Variants in EXT2 observed in about 807,000 individuals in gnomAD.
The protein encoded by EXT2 is exostosin-2.
A neutral mutation model predicts 81.6 loss-of-function variants in EXT2; 53 were observed. The observed-to-expected ratio is 0.65, with a 90% CI of 0.52 to 0.82. The LOEUF (loss-of-function observed/expected upper bound fraction) is 0.82, where lower values mean the gene tolerates loss of function less well. Ranked by LOEUF, EXT2 falls within the 40% of genes least tolerant of loss-of-function variation. The pLI is 0.00. For synonymous variants in EXT2, 320 were observed against 340.0 expected (o/e 0.94, Z 0.65); for missense variants, 774 against 910.2 (o/e 0.85, Z 1.93).
At chr11:44,222,666 T>A (rs146045423) in intron 10 of EXT2, among the ~76,000 whole-genome samples, 1 of 151,226 alleles carries the variant, frequency 6.6e-6, no homozygotes, top group Admixed American at 6.6e-5. Context: ...ATGTAAAACA[T>A]GAAACCATAA....
intron 10 of EXT2, among the ~76,000 whole-genome samples, chr11:44,208,129 T>C (rs536437425): frequency 2.6e-5 from 4 of 152,328 alleles, no homozygotes; most frequent in Non-Finnish European, 4.4e-5. Context: ...ATATTTAGTA[T>C]ACTATTATTC....
intron 10 of EXT2, among the ~76,000 whole-genome samples, chr11:44,211,079 C>T (rs1329309208): frequency 2.0e-5 from 3 of 152,124 alleles, no homozygotes; most frequent in African/African-American, 7.2e-5. Context: ...GTAATCAAGA[C>T]GTGGTGGTAT....
At chr11:44,125,760 G>A (rs1954392902) in intron 5 of EXT2, among the ~76,000 whole-genome samples, 1 of 151,924 alleles carries the variant, frequency 6.6e-6, no homozygotes, top group Admixed American at 6.6e-5. Flanking sequence ...CACTCCTCCT[G>A]GAATGTCTGG....
chr11:44,148,984 T>C (rs1488600629), intron 7 of EXT2, among the ~76,000 whole-genome samples: 1 of 152,224 alleles, frequency 6.6e-6, no homozygotes, highest in East Asian at 1.9e-4. Context: ...TCTAGGTTGC[T>C]TGTCCTGCCT....
At chr11:44,201,192 C>T (rs1955518171) in intron 9 of EXT2, among the ~76,000 whole-genome samples, 1 of 152,104 alleles carries the variant, frequency 6.6e-6, no homozygotes, top group Admixed American at 6.5e-5. Context: ...GAAGAAAGAC[C>T]CCATTTAGGC....
chr11:44,144,532 G>A (rs990298557), intron 7 of EXT2, among the ~76,000 whole-genome samples: 1 of 152,202 alleles, frequency 6.6e-6, no homozygotes, highest in Non-Finnish European at 1.5e-5. Context: ...CACCTCAAAG[G>A]CTCCCAGTCA....
chr11:44,109,315 T>C (rs767847807), intron 3 of EXT2, 32 bp downstream of exon 3: 1 of 1,543,022 alleles, frequency 6.5e-7, no homozygotes. Context: ...GTCCTTATGA[T>C]GGGTTCAAGA....
At chr11:44,164,876 C>CTTTTT (rs372890914) in intron 7 of EXT2, among the ~76,000 whole-genome samples, 2 of 137,540 alleles carry the variant, frequency 1.5e-5, no homozygotes, top group African/African-American at 2.7e-5. Flanking sequence ...CTCATTCACA[C>CTTTTT]TTTTTTTTTT....
intron 8 of EXT2, among the ~76,000 whole-genome samples, chr11:44,180,828 G>A (rs113957720): frequency 3.3e-5 from 5 of 152,232 alleles, no homozygotes; most frequent in South Asian, 2.1e-4. Context: ...CTGGCTGGGC[G>A]CGGTGGCTCA....
intron 8 of EXT2, 80 bp downstream of exon 8, chr11:44,171,822 T>G (rs1590619180): frequency 1.3e-6 from 2 of 1,582,542 alleles, no homozygotes; most frequent in East Asian, 4.5e-5. Context: ...ACTACAATTG[T>G]AAAGGTTATT....
intron 1 of EXT2, among the ~76,000 whole-genome samples, chr11:44,100,025 G>A (rs755448267): frequency 3.9e-5 from 6 of 152,178 alleles, no homozygotes; most frequent in Admixed American, 6.5e-5. Flanking sequence ...TGCGGGGTGG[G>A]CTTTGGTTGT....
chr11:44,224,393 A>G (rs189567129), intron 10 of EXT2, among the ~76,000 whole-genome samples: 5 of 152,174 alleles, frequency 3.3e-5, no homozygotes, highest in Middle Eastern at 3.4e-3. Flanking sequence ...GTGTACATAT[A>G]TTAGATATAT....
rs753542290 is a variant in EXT2 at position 44,171,687 on chromosome 11, G to A, written c.1250G>A (p.Arg417Gln). ...ALATLQIINDRIYPYAAISYE... is the reference protein window; with the variant it reads ...ALATLQIINDQIYPYAAISYE... ...GCCACCCTGCAGATTATCAATGACC[G>A]GATCTATCCATATGCTGCCATCTCC... The change falls in exon 8 of 14, where the codon CGG becomes CAG. Residue 417 changes from arginine to glutamine, a missense_variant. Physicochemically the swap from Arg to Gln is conservative, Grantham distance 43. Coordinates refer to ENST00000533608, the MANE Select transcript of EXT2 (RefSeq NM_207122.2). The A allele has an allele frequency of 2.0e-5, 33 of 1,613,942 alleles. No homozygotes were observed. Among genetic ancestry groups the A allele is most frequent in the Middle Eastern group, 3.3e-4 (2 of 6,084 alleles).
chr11:44,181,008 G>T (rs554063742), intron 8 of EXT2, among the ~76,000 whole-genome samples: 1 of 152,198 alleles, frequency 6.6e-6, no homozygotes, highest in African/African-American at 2.4e-5. Flanking sequence ...GGCTGAGGTG[G>T]GAGAATCACT....
At chr11:44,112,940 G>C (rs938787644) in intron 3 of EXT2, among the ~76,000 whole-genome samples, 5 of 152,198 alleles carry the variant, frequency 3.3e-5, no homozygotes, top group Admixed American at 3.3e-4. Flanking sequence ...ATCCATGTCT[G>C]CTTCTCTGCA....
At chr11:44,178,685 A>C (rs911783795) in intron 8 of EXT2, among the ~76,000 whole-genome samples, 3 of 152,164 alleles carry the variant, frequency 2.0e-5, no homozygotes, top group Non-Finnish European at 4.4e-5. Context: ...GTGTAACTCA[A>C]CTCAGCACCC....
intron 9 of EXT2, among the ~76,000 whole-genome samples, chr11:44,200,364 T>C (rs1373023943): frequency 6.6e-6 from 1 of 151,974 alleles, no homozygotes; most frequent in African/African-American, 2.4e-5. Flanking sequence ...TACACTTAAG[T>C]CCAAATTTCT....
intron 6 of EXT2, 64 bp from the exon 7 acceptor site, chr11:44,129,981 T>C (rs1954467312): frequency 8.1e-7 from 1 of 1,232,702 alleles, no homozygotes; most frequent in African/African-American, 1.5e-5. Context: ...GAAACAAGAC[T>C]GTGTGTAGAA....
At chr11:44,209,995 A>G (rs567835988) in intron 10 of EXT2, among the ~76,000 whole-genome samples, 3 of 152,334 alleles carry the variant, frequency 2.0e-5, no homozygotes, top group Non-Finnish European at 4.4e-5. Flanking sequence ...CAACACACGT[A>G]TGAAAGATAT....
Sources: allele counts gnomAD v4.1 joint callset (sites outside exome capture counted in the v4.1 genomes callset), GRCh38; gene constraint gnomAD v4.1.1; transcripts MANE v1.5; gene names NCBI Gene and HGNC (gene_info 2026-07-23, HGNC 2026-07-21).